Variants in PLXND1 observed in about 807,000 individuals in gnomAD.
The protein encoded by PLXND1 is plexin D1, also known as plexin-D1.
Under a neutral mutation model 197.7 loss-of-function variants are expected in PLXND1, and 54 were observed. That is an observed-to-expected ratio of 0.27 (90% confidence interval 0.22 to 0.34). The LOEUF is 0.34. Among genes scored for constraint, PLXND1 ranks in the 10% least tolerant of loss-of-function variants. The probability of loss-of-function intolerance (pLI) is 1.00; values close to 1 mark genes in which losing one functional copy is unlikely to be tolerated. For synonymous variants in PLXND1, 1,180 were observed against 1,161.2 expected (o/e 1.02, Z -0.33); for missense variants, 2,127 against 2,699.2 (o/e 0.79, Z 4.70).
Position 129,558,199 on chromosome 3 carries a change from G to A in PLXND1, c.5445+229C>T, listed in dbSNP as rs1231047070. 6.6e-6 allele frequency among the ~76,000 whole-genome samples: 1 copy of A among 152,254 alleles called. No individual in the cohort carries two copies. The highest frequency in any genetic ancestry group is 1.5e-5 in the Non-Finnish European group (1 of 68,046). On this transcript the variant is annotated intron_variant, in intron 33 of 35. Transcript: ENST00000324093. The surrounding 1 kb of genome is among the most constrained non-coding windows in gnomAD (Gnocchi z 4.1). ...CCAGTGCCAGGCACAGCTGCAGCAT[G>A]TGCAGTTGGTCTGCAGCGATACAGA...
chr3:129,600,226 C>T (rs747661940), intron 1 of PLXND1, among the ~76,000 whole-genome samples: 19 of 152,126 alleles, frequency 1.2e-4, no homozygotes, highest in Non-Finnish European at 2.2e-4. Flanking sequence ...CCCCTGCCTG[C>T]CTTCAGGCCC....
intron 1 of PLXND1, among the ~76,000 whole-genome samples, chr3:129,593,738 G>A (rs922041420): frequency 2.6e-5 from 4 of 152,334 alleles, no homozygotes; most frequent in African/African-American, 4.8e-5. Context: ...CCTACTCTGC[G>A]TGTGGCAACA....
At chr3:129,589,618 C>A (rs1397450557) in intron 1 of PLXND1, 91 bp from the exon 2 acceptor site, 3 of 1,140,810 alleles carry the variant, frequency 2.6e-6, no homozygotes, top group Non-Finnish European at 3.7e-6. Flanking sequence ...GCCCTGGCAT[C>A]AGAGCTTTCA....
At position 129,558,184 on chromosome 3, in the gene PLXND1, G is replaced by C. The variant is rs2085001861; in HGVS notation, c.5445+244C>G. Among the ~76,000 whole-genome samples, 1 of 152,190 alleles carries C rather than the reference G, an allele frequency of 6.6e-6. No individual in the cohort carries two copies. The highest frequency in any genetic ancestry group is 2.4e-5 in the African/African-American group (1 of 41,448). ...GGCCTGTGTTCAAAGCCAGTGCCAG[G>C]CACAGCTGCAGCATGTGCAGTTGGT... On this transcript the variant is annotated intron_variant, in intron 33 of 35. Transcript: ENST00000324093. The surrounding 1 kb of genome is among the most constrained non-coding windows in gnomAD (Gnocchi z 4.1).
At position 129,605,459 on chromosome 3, in the gene PLXND1, G is replaced by A. The variant is rs1338731468; in HGVS notation, c.1181C>T (p.Ala394Val). ...APAALCAFRFADVRAAIRAAR... is the reference protein window; with the variant it reads ...APAALCAFRFVDVRAAIRAAR... Reference sequence around the variant, plus strand: ...AGCTCGGATGGCGGCTCGCACGTCGGCGAAGCGGAAGGCGCAGAGTGCGGC... The same window carrying A: ...AGCTCGGATGGCGGCTCGCACGTCGACGAAGCGGAAGGCGCAGAGTGCGGC... The change falls in exon 1 of 36, where the codon GCC (alanine) becomes GTC (valine). Residue 394 changes from alanine to valine, a missense_variant. Transcript: ENST00000324093. The A allele has an allele frequency of 6.7e-7, 1 of 1,501,716 alleles. No homozygotes were observed. Among genetic ancestry groups the A allele is most frequent in the Admixed American group, 2.1e-5 (1 of 46,708 alleles). 93.0% of individuals were successfully genotyped at this position (1,501,716 alleles called of 1,614,324 possible).
chr3:129,559,443 GT>G, intron 32 of PLXND1, 176 bp downstream of exon 32: 1 of 576,868 alleles, frequency 1.7e-6, no homozygotes, highest in South Asian at 2.6e-5. Context: ...GCATTTTACA[GT>G]GGAGGGGAAA....
rs1174533835 is a variant in PLXND1, at chr3:129,606,254, T to A, written c.386A>T (p.Gln129Leu). The change falls in exon 1 of 36, where the codon CAG becomes CTG. Residue 129 changes from glutamine to leucine, a missense_variant. Gln to Leu is a moderately radical substitution (Grantham distance 113, BLOSUM62 -2). Transcript: ENST00000324093. ...TACCAGGCCCTGGCCGGGGTCCAGC[T>A]GCAGGATCTTGTTGTAGTTGTCCGT... ...RLTDNYNKIL[Q>L]LDPGQGLVVV... The A allele has an allele frequency of 6.4e-7, 1 of 1,570,722 alleles. No individual in the cohort carries two copies. Among genetic ancestry groups the A allele is most frequent in the African/African-American group, 1.4e-5 (1 of 71,116 alleles).
chr3:129,558,485 T>C lies in PLXND1; in HGVS notation c.5388A>G (p.Ser1796=). 1 of 1,613,804 alleles carries C rather than the reference T, an allele frequency of 6.2e-7. No individual in the cohort carries two copies. Among genetic ancestry groups the C allele is most frequent in the South Asian group, 1.1e-5 (1 of 91,064 alleles). The change falls in exon 33 of 36, where the codon TCA becomes TCG. Residue 1796 remains serine (S), a synonymous_variant. Coordinates refer to ENST00000324093, the MANE Select transcript of PLXND1 (RefSeq NM_015103.3). The surrounding 1 kb of genome is among the most constrained non-coding windows in gnomAD (Gnocchi z 4.1). The stretch of plus-strand genomic sequence containing the variant: ...CGTCGATGAAGGCCTGCGCGATGAC[T>C]GAAAGGCAGGCGTCGATGTGGTCTG... ...DKTDHIDACL[S]VIAQAFIDAC...
chr3:129,605,282 C>T (rs1319575069), intron 1 of PLXND1, 47 bp downstream of exon 1: 1 of 756,382 alleles, frequency 1.3e-6, no homozygotes, highest in Non-Finnish European at 1.8e-6. Flanking sequence ...CCCGCCCCCG[C>T]CCCCGCCGCC....
chr3:129,573,766 G>A, intron 12 of PLXND1, 21 bp from the exon 13 acceptor site: 1 of 1,609,530 alleles, frequency 6.2e-7, no homozygotes, highest in East Asian at 2.2e-5. Context: ...ACCCGAGAGA[G>A]GGGCGAATGG....
chr3:129,557,071 G>T lies in PLXND1; in HGVS notation c.5586+12C>A. On this transcript the variant is annotated intron_variant, in intron 34 of 35. Transcript: ENST00000324093. The surrounding 1 kb of genome is among the most constrained non-coding windows in gnomAD (Gnocchi z 4.8). ...CTTCAGGCCCCCATCCCCCGCCGCC[G>T]AGCCACCGCACCCTCGACTCCTCGG... is the stretch of plus-strand genomic sequence containing the variant. 1.2e-6 allele frequency: 2 copies of T among 1,611,298 alleles called. No homozygotes were observed. The highest frequency in any genetic ancestry group is 1.7e-6 in the Non-Finnish European group (2 of 1,179,046).
chr3:129,583,725 G>A (rs2085418096), intron 7 of PLXND1, 56 bp from the exon 8 acceptor site: 1 of 1,201,316 alleles, frequency 8.3e-7, no homozygotes, highest in Non-Finnish European at 1.2e-6. Flanking sequence ...ACTCATCCCT[G>A]TCCCAGGAAC....
chr3:129,580,574 G>A (rs2085373256), intron 8 of PLXND1, among the ~76,000 whole-genome samples: 1 of 152,142 alleles, frequency 6.6e-6, no homozygotes, highest in African/African-American at 2.4e-5. Flanking sequence ...CAGGGCAGGA[G>A]GCGCTCTCAC....
intron 1 of PLXND1, among the ~76,000 whole-genome samples, chr3:129,594,262 C>CTTGCCACAGAGCTGAAAT (rs1483228897): frequency 6.6e-6 from 1 of 152,182 alleles, no homozygotes; most frequent in Admixed American, 6.5e-5. Context: ...GTCAGGTTTC[C>CTTGCCACAGAGCTGAAAT]TTGCCACAGA....
intron 7 of PLXND1, 117 bp from the exon 8 acceptor site, chr3:129,583,786 G>C (rs10934886): frequency 1.2e-5 from 8 of 678,714 alleles, no homozygotes; most frequent in South Asian, 3.6e-5. Flanking sequence ...TCTCATCATC[G>C]GGGCTGCCTG....
In PLXND1 at chr3:129,571,842, C is replaced by G. The variant is rs754831143; in HGVS notation, c.3080G>C (p.Arg1027Pro). 1 of 1,609,206 alleles carries G rather than the reference C, an allele frequency of 6.2e-7. No individual in the cohort carries two copies. Among genetic ancestry groups the G allele is most frequent in the East Asian group, 2.2e-5 (1 of 44,732 alleles). ...GGTGCAGGCGATGCTGGTATCTGTG[C>G]GCCTGGGGGGAGCAGCAGGTTATCA... is the stretch of plus-strand genomic sequence containing the variant. ...NDTDPCTELM[R>P]TDTSIACTMP... Residue 1027 changes from arginine (R) to proline (P), a missense_variant and splice_region_variant, in exon 16 of 36, where the codon CGC (arginine) becomes CCC (proline). Arg to Pro is a moderately radical substitution (Grantham distance 103). Around this residue, in one of 6 missense-constraint regions of PLXND1, gnomAD observed 1,095 missense variants for 1,259.8 expected, o/e 0.87. Transcript: ENST00000324093.
intron 8 of PLXND1, chr3:129,578,661 C>G: frequency 1.9e-6 from 1 of 535,518 alleles, no homozygotes; most frequent in South Asian, 2.4e-5. Flanking sequence ...AAGGTGGGCA[C>G]AGGCAGATGG....
intron 1 of PLXND1, 56 bp from the exon 2 acceptor site, chr3:129,589,583 CCCGCA>C: frequency 2.1e-6 from 3 of 1,434,132 alleles, no homozygotes; most frequent in Non-Finnish European, 2.8e-6. Flanking sequence ...CGGCTCCCCG[CCCGCA>C]CAGCTGGCTG....
intron 15 of PLXND1, among the ~76,000 whole-genome samples, chr3:129,572,118 G>A (rs2085243424): frequency 6.6e-6 from 1 of 152,150 alleles, no homozygotes. Flanking sequence ...TGAAGGCACT[G>A]ACTTTTCTCC....
Sources: gnomAD v4.1 joint callset for allele counts (sites outside exome capture counted in the v4.1 genomes callset) on GRCh38, gnomAD v4.1.1 for gene constraint, gnomAD v4.1.1 regional missense constraint, Gnocchi (gnomAD v3.1) non-coding constraint, MANE v1.5 for transcripts, NCBI Gene and HGNC (gene_info 2026-07-23, HGNC 2026-07-21) for gene names.